NIBAN1: variants seen among roughly 807,000 people sequenced by gnomAD.
NIBAN1 encodes niban apoptosis regulator 1.
NIBAN1 carries 81 observed loss-of-function variants against 75.1 expected under a neutral mutation model. The observed-to-expected ratio is 1.08, with a 90% CI of 0.90 to 1.30. The LOEUF (loss-of-function observed/expected upper bound fraction) is 1.30, where lower values mean the gene tolerates loss of function less well. NIBAN1 is among the 50% of genes most tolerant of loss of function. NIBAN1 has a pLI of 0.00. For synonymous variants in NIBAN1, 436 were observed against 424.8 expected (o/e 1.03, Z -0.32); for missense variants, 1,133 against 1,128.1 (o/e 1.00, Z -0.06).
At chr1:184,807,934 C>T (rs375307473) in intron 10 of NIBAN1, 140 bp downstream of exon 10, 30 of 880,232 alleles carry the variant, frequency 3.4e-5, no homozygotes, top group African/African-American at 8.1e-5. Context: ...AGGGACAGAA[C>T]GTGTCCTCCC....
At chr1:184,887,247 C>T (rs2101973048) in intron 4 of NIBAN1, among the ~76,000 whole-genome samples, 1 of 152,286 alleles carries the variant, frequency 6.6e-6, no homozygotes, top group South Asian at 2.1e-4. Flanking sequence ...ACCACCAGCA[C>T]AAGCCATGGC....
chr1:184,834,270 T>TG (rs1427658676), intron 5 of NIBAN1, among the ~76,000 whole-genome samples: 5 of 152,228 alleles, frequency 3.3e-5, no homozygotes, highest in African/African-American at 1.2e-4. Context: ...GGTGGACATT[T>TG]GGGTGGGTTC....
chr1:184,809,719 A>G (rs1466243148), intron 9 of NIBAN1, among the ~76,000 whole-genome samples: 2 of 150,910 alleles, frequency 1.3e-5, no homozygotes, highest in Non-Finnish European at 3.0e-5. Flanking sequence ...ATATTAATTT[A>G]TTATGCTTTA....
At chr1:184,798,343 A>G (rs937036857) in intron 12 of NIBAN1, among the ~76,000 whole-genome samples, 153 bp from the exon 13 acceptor site, 3 of 152,216 alleles carry the variant, frequency 2.0e-5, no homozygotes, top group African/African-American at 4.8e-5. Flanking sequence ...ACTCAATTCA[A>G]TAATATTTTA....
chr1:184,821,345 G>T (rs191910089), intron 8 of NIBAN1: 2 of 152,108 alleles, frequency 1.3e-5, no homozygotes, highest in Non-Finnish European at 2.9e-5. Flanking sequence ...AGCCGAAAGC[G>T]CACTTCCTTG....
intron 1 of NIBAN1, among the ~76,000 whole-genome samples, chr1:184,906,484 GC>G (rs1474915124): frequency 6.6e-6 from 1 of 151,996 alleles, no homozygotes; most frequent in Admixed American, 6.6e-5. Flanking sequence ...TACAAAATTA[GC>G]CAGGCGTGGT....
chr1:184,795,147 G>A lies in NIBAN1; in HGVS notation c.2617C>T (p.Gln873Ter), dbSNP rs1422878883. The A allele has an allele frequency of 1.9e-6, 3 of 1,614,164 alleles. No individual in the cohort carries two copies. In the East Asian group the frequency reaches 6.7e-5, roughly 36 times the overall value. Residue 873 changes from glutamine (Q) to a stop codon, truncating the protein, a stop_gained, in exon 14 of 14, where the codon CAG becomes TAG. Transcript: ENST00000367511. LOFTEE classifies it low-confidence loss of function (END_TRUNC). ...TCTGCATTCACACTGGCCGTGGCCT[G>A]GGCCGCGCTGCTTTGCCCTCCCATC... ...EEMGGQSSAA[Q>*]ATASVNAEEI...
At chr1:184,967,321 C>G (rs1238985874) in intron 1 of NIBAN1, among the ~76,000 whole-genome samples, 1 of 151,812 alleles carries the variant, frequency 6.6e-6, no homozygotes, top group Non-Finnish European at 1.5e-5. Flanking sequence ...CTTTTATTCT[C>G]CTGTCTTCCT....
At chr1:184,919,743 A>G (rs1412297883) in intron 1 of NIBAN1, among the ~76,000 whole-genome samples, 1 of 152,150 alleles carries the variant, frequency 6.6e-6, no homozygotes, top group Non-Finnish European at 1.5e-5. Context: ...ATTAACTCCC[A>G]AGGGGGAAAT....
chr1:184,960,153 T>C (rs1365690496), intron 1 of NIBAN1, among the ~76,000 whole-genome samples: 5 of 152,192 alleles, frequency 3.3e-5, no homozygotes, highest in Admixed American at 3.3e-4. Flanking sequence ...ATCTGACATA[T>C]ACATGCTTAA....
intron 2 of NIBAN1, 62 bp downstream of exon 2, chr1:184,899,117 C>A: frequency 1.3e-6 from 2 of 1,551,354 alleles, no homozygotes; most frequent in Non-Finnish European, 1.8e-6. Flanking sequence ...TTCAGAAATA[C>A]GGCTGTGCTA....
intron 5 of NIBAN1, among the ~76,000 whole-genome samples, chr1:184,871,356 A>AG (rs1553222959): frequency 1.6e-5 from 2 of 124,838 alleles, no homozygotes; most frequent in African/African-American, 9.7e-5. Context: ...TCAAAAAAAA[A>AG]AAAAAAAAAA....
chr1:184,856,546 T>G (rs1450977193), intron 5 of NIBAN1, among the ~76,000 whole-genome samples: 1 of 152,160 alleles, frequency 6.6e-6, no homozygotes, highest in Non-Finnish European at 1.5e-5. Context: ...GATAACTAAT[T>G]GATGCAGAAA....
At chr1:184,969,184 G>T (rs1272783859) in intron 1 of NIBAN1, among the ~76,000 whole-genome samples, 2 of 152,152 alleles carry the variant, frequency 1.3e-5, no homozygotes, top group Non-Finnish European at 2.9e-5. Context: ...TAAACATAAT[G>T]GGAGAATGCT....
chr1:184,928,238 C>G (rs1394520767), intron 1 of NIBAN1, among the ~76,000 whole-genome samples: 1 of 152,006 alleles, frequency 6.6e-6, no homozygotes, highest in African/African-American at 2.4e-5. Context: ...AGACAAAGTC[C>G]TCTTTACTCT....
In NIBAN1 at chr1:184,798,079, C is replaced by A; in HGVS notation, c.1666G>T (p.Val556Leu). The change falls in exon 13 of 14, where the codon GTG becomes TTG. Residue 556 changes from valine (V) to leucine (L), a missense_variant and splice_region_variant. Coordinates refer to ENST00000367511, the MANE Select transcript of NIBAN1 (RefSeq NM_052966.4). The stretch of plus-strand genomic sequence containing the variant: ...TGCAGCACCAGGTAACCTTTCTTAC[C>A]TTTCAGAGTTTCATCAAGCAGGATC... Reference protein sequence around the residue: ...HQILLDETLKVIKEAAILKKH... With the variant: ...HQILLDETLKLIKEAAILKKH... The A allele has an allele frequency of 6.2e-7, 1 of 1,604,942 alleles. No homozygotes were observed. Among genetic ancestry groups the A allele is most frequent in the Non-Finnish European group, 8.5e-7 (1 of 1,173,060 alleles).
intron 1 of NIBAN1, among the ~76,000 whole-genome samples, chr1:184,928,326 G>A (rs745640279): frequency 3.9e-5 from 6 of 152,132 alleles, no homozygotes; most frequent in South Asian, 2.1e-4. Flanking sequence ...GAATGGTGAT[G>A]CAAGCACTCC....
chr1:184,800,840 C>T (rs587563), intron 12 of NIBAN1, among the ~76,000 whole-genome samples: 80,101 of 151,968 alleles, frequency 0.53, 22,117 homozygotes, highest in African/African-American at 0.7. Context: ...TTAACTTTAT[C>T]AGAATGGGGC....
chr1:184,876,965 C>G (rs1656250226), intron 5 of NIBAN1, among the ~76,000 whole-genome samples: 1 of 152,158 alleles, frequency 6.6e-6, no homozygotes, highest in African/African-American at 2.4e-5. Flanking sequence ...CAAATACACT[C>G]ATTAACACAG....
Sources: gnomAD v4.1 joint callset for allele counts (sites outside exome capture counted in the v4.1 genomes callset) on GRCh38, gnomAD v4.1.1 for gene constraint, MANE v1.5 for transcripts, NCBI Gene and HGNC (gene_info 2026-07-23, HGNC 2026-07-21) for gene names.